Variants in NCAM1 observed in about 807,000 individuals in gnomAD.
The protein encoded by NCAM1 is neural cell adhesion molecule 1.
A neutral mutation model predicts 109.8 loss-of-function variants in NCAM1; 14 were observed. The ratio of observed to expected loss-of-function variants is 0.13; its 90% CI spans 0.08 to 0.20. NCAM1 has a LOEUF of 0.20. Among genes scored for constraint, NCAM1 ranks in the 10% least tolerant of loss-of-function variants. The pLI, the probability that NCAM1 is intolerant of heterozygous loss-of-function variation, is 1.00. For synonymous variants in NCAM1, 418 were observed against 442.9 expected (o/e 0.94, Z 0.70); for missense variants, 774 against 1,109.9 (o/e 0.70, Z 4.30).
chr11:113,083,530 C>T (rs190521731), intron 1 of NCAM1, among the ~76,000 whole-genome samples: 13 of 152,184 alleles, frequency 8.5e-5, no homozygotes, highest in Non-Finnish European at 1.3e-4. Flanking sequence ...TATATGGTTG[C>T]GTGTAATGGA....
chr11:113,239,499 C>CTTTT lies in NCAM1; in HGVS notation c.1825+4356_1825+4359dup, dbSNP rs55641415. 7.1e-3 allele frequency among the ~76,000 whole-genome samples: 777 copies of CTTTT among 110,102 alleles called. 34 individuals are homozygous for CTTTT. The highest frequency in any genetic ancestry group is 0.011 in the Middle Eastern group (2 of 178). 72.2% of individuals were successfully genotyped at this position (110,102 alleles called of 152,430 possible). On this transcript the variant is annotated intron_variant, in intron 14 of 19. Coordinates refer to ENST00000316851, the MANE Select transcript of NCAM1 (RefSeq NM_181351.5). ...TATAGAGATTATGAATGAGTCTCTA[C>CTTTT]TTTTTTTTTTTTTTTTTTTTTTTTG...
chr11:113,141,568 G>A (rs1941821624), intron 1 of NCAM1, among the ~76,000 whole-genome samples: 1 of 152,228 alleles, frequency 6.6e-6, no homozygotes, highest in Non-Finnish European at 1.5e-5. Flanking sequence ...AGAATTGCTT[G>A]AACCCAGGCG....
intron 1 of NCAM1, among the ~76,000 whole-genome samples, chr11:113,199,636 G>T (rs1345181118): frequency 1.3e-5 from 2 of 151,260 alleles, no homozygotes; most frequent in Non-Finnish European, 2.9e-5. Flanking sequence ...ACTGTTGTGG[G>T]GTGGGGGGAC....
At chr11:113,218,349 C>T (rs1230643569) in intron 8 of NCAM1, among the ~76,000 whole-genome samples, 1 of 152,166 alleles carries the variant, frequency 6.6e-6, no homozygotes, top group African/African-American at 2.4e-5. Flanking sequence ...CCACAGTGCT[C>T]TCTCATGGTT....
chr11:113,204,726 A>G (rs1475480053), intron 3 of NCAM1, among the ~76,000 whole-genome samples: 1 of 152,070 alleles, frequency 6.6e-6, no homozygotes, highest in Non-Finnish European at 1.5e-5. Context: ...TCAAAATTCA[A>G]ATTACATAGT....
chr11:113,267,193 C>T (rs140157888), intron 17 of NCAM1, among the ~76,000 whole-genome samples: 4 of 152,292 alleles, frequency 2.6e-5, no homozygotes, highest in African/African-American at 9.6e-5. Context: ...ATAGTATTCT[C>T]GTCTCCAGAC....
intron 1 of NCAM1, among the ~76,000 whole-genome samples, chr11:113,104,274 A>T (rs1555092132): frequency 6.6e-6 from 1 of 150,668 alleles, no homozygotes; most frequent in Admixed American, 6.6e-5. Context: ...TTTTGTTTAC[A>T]GGAGTGAAGA....
At chr11:112,990,546 T>C (rs1414262450) in intron 1 of NCAM1, among the ~76,000 whole-genome samples, 1 of 152,132 alleles carries the variant, frequency 6.6e-6, no homozygotes, top group East Asian at 1.9e-4. Context: ...TATATTTCTC[T>C]CTGGGACCCT....
chr11:113,174,889 A>G lies in NCAM1; in HGVS notation c.53-27490A>G, dbSNP rs557750564. 1.6e-4 allele frequency among the ~76,000 whole-genome samples: 25 copies of G among 152,068 alleles called. 1 individual carries two copies. Among genetic ancestry groups the G allele is most frequent in the African/African-American group, 6.0e-4 (25 of 41,476 alleles). On this transcript the variant is annotated intron_variant, in intron 1 of 19. Transcript: ENST00000316851. Reference sequence around the variant, plus strand: ...GTACAAGTATTATGCTGACACTCTCACTCCAGGCCCACCAACAACTGTATC... The same window carrying G: ...GTACAAGTATTATGCTGACACTCTCGCTCCAGGCCCACCAACAACTGTATC...
intron 1 of NCAM1, among the ~76,000 whole-genome samples, chr11:113,063,735 C>A (rs1052264934): frequency 3.5e-5 from 5 of 144,030 alleles, no homozygotes; most frequent in Middle Eastern, 3.7e-3. Context: ...ACATATGATA[C>A]TTTGGTCCAT....
At chr11:113,184,806 T>C (rs933623692) in intron 1 of NCAM1, among the ~76,000 whole-genome samples, 2 of 152,096 alleles carry the variant, frequency 1.3e-5, no homozygotes, top group Admixed American at 1.3e-4. Context: ...TGAGTTGTCA[T>C]CCTGGGCTAG....
At position 113,206,043 on chromosome 11, in the gene NCAM1, T is replaced by C. The variant is rs781819663; in HGVS notation, c.491T>C (p.Val164Ala). The change falls in exon 5 of 20, where the codon GTC (valine) becomes GCC (alanine). Residue 164 changes from valine (V) to alanine (A), a missense_variant and splice_region_variant. Physicochemically the swap from Val to Ala is moderately conservative, Grantham distance 64 (BLOSUM62 0). Around this residue, in one of 4 missense-constraint regions of NCAM1, gnomAD observed 523 missense variants for 784.2 expected, o/e 0.67. Coordinates refer to ENST00000316851, the MANE Select transcript of NCAM1 (RefSeq NM_181351.5). ...TGAACCTGCCTCTTATCTCTTCTAGTCCGATTCATAGTCCTGTCCAACAAC... is the reference window on the plus strand; with the variant it reads ...TGAACCTGCCTCTTATCTCTTCTAGCCCGATTCATAGTCCTGTCCAACAAC... ...KGRDVILKKD[V>A]RFIVLSNNYL... 5.6e-6 allele frequency: 9 copies of C among 1,613,974 alleles called. No homozygotes were observed. In the Middle Eastern group the frequency reaches 4.9e-4, roughly 89 times the overall value.
At chr11:113,185,079 T>TATATATATATATATATATAGAGAGAG in intron 1 of NCAM1, among the ~76,000 whole-genome samples, 60 of 125,720 alleles carry the variant, frequency 4.8e-4, no homozygotes, top group African/African-American at 8.8e-4. Flanking sequence ...TATATATATA[T>TATATATATATATATATATAGAGAGAG]AGAGAGAGAG....
At chr11:113,224,325 T>C (rs933612831) in intron 9 of NCAM1, among the ~76,000 whole-genome samples, 7 of 152,204 alleles carry the variant, frequency 4.6e-5, no homozygotes, top group Non-Finnish European at 5.9e-5. Flanking sequence ...CCACGGAGCC[T>C]CGCTCATTGC....
At chr11:113,155,534 C>CA (rs1364146071) in intron 1 of NCAM1, among the ~76,000 whole-genome samples, 8 of 150,524 alleles carry the variant, frequency 5.3e-5, no homozygotes, top group Non-Finnish European at 7.4e-5. Flanking sequence ...AAACAAAAAA[C>CA]AAAAAAAATA....
chr11:113,240,761 C>T (rs782441861), intron 14 of NCAM1: 4 of 1,611,040 alleles, frequency 2.5e-6, no homozygotes, highest in Admixed American at 1.7e-5. Flanking sequence ...ATCTTTTTTC[C>T]CCACCTTCAT....
chr11:112,967,790 T>C (rs720024), intron 1 of NCAM1, among the ~76,000 whole-genome samples: 14,188 of 152,168 alleles, frequency 0.093, 1,352 homozygotes, highest in African/African-American at 0.21. Context: ...TGCAATTCCA[T>C]GTTGGTTGTG....
At chr11:113,177,393 T>C (rs1943190880) in intron 1 of NCAM1, among the ~76,000 whole-genome samples, 2 of 152,132 alleles carry the variant, frequency 1.3e-5, no homozygotes, top group Non-Finnish European at 2.9e-5. Context: ...AAACCACTAT[T>C]AAAAGTTACC....
chr11:113,118,914 GACAA>G (rs1412967296), intron 1 of NCAM1, among the ~76,000 whole-genome samples: 4 of 151,974 alleles, frequency 2.6e-5, no homozygotes, highest in Non-Finnish European at 5.9e-5. Flanking sequence ...ACAGGGCACA[GACAA>G]ACAAAAATCA....
Sources: allele counts gnomAD v4.1 joint callset (sites outside exome capture counted in the v4.1 genomes callset), GRCh38; gene constraint gnomAD v4.1.1; regional missense constraint gnomAD v4.1.1; transcripts MANE v1.5; gene names NCBI Gene and HGNC (gene_info 2026-07-23, HGNC 2026-07-21).